Variants in QSER1 observed in about 807,000 individuals in gnomAD.
QSER1 encodes the protein glutamine and serine-rich protein 1.
In QSER1, 49 loss-of-function variants were observed where a neutral mutation model predicts 158.5. That is an observed-to-expected ratio of 0.31 (90% CI 0.25 to 0.39). The LOEUF (loss-of-function observed/expected upper bound fraction) is 0.39. QSER1 is among the 10% of genes least tolerant of loss of function. The pLI is 1.00. For synonymous variants in QSER1, 650 were observed against 715.5 expected (o/e 0.91, Z 1.46); for missense variants, 1,754 against 2,010.3 (o/e 0.87, Z 2.44).
Position 32,932,477 on chromosome 11 carries a change from A to G in QSER1, c.1219A>G (p.Thr407Ala), listed in dbSNP as rs369069540. Residue 407 changes from threonine to alanine, a missense_variant, in exon 4 of 13, where the codon ACA (threonine) becomes GCA (alanine). Coordinates refer to ENST00000650167, the MANE Select transcript of QSER1 (RefSeq NM_001076786.3). ...ATCATCAGGGTATCCTCCTTCTACT[A>G]CAAAAATAAAAAGCTGTTCTACAGA... is the stretch of plus-strand genomic sequence containing the variant. Reference protein sequence around the residue: ...IPSSGYPPSTTKIKSCSTEQP... With the variant: ...IPSSGYPPSTAKIKSCSTEQP... 14 of 1,613,722 alleles carry G rather than the reference A, an allele frequency of 8.7e-6. No individual in the cohort carries two copies. Among genetic ancestry groups the G allele is most frequent in the African/African-American group, 2.7e-5 (2 of 74,896 alleles).
chr11:32,900,445 G>C (rs1270097040), intron 1 of QSER1, among the ~76,000 whole-genome samples: 1 of 152,124 alleles, frequency 6.6e-6, no homozygotes, highest in Non-Finnish European at 1.5e-5. Context: ...TGTAGTCCCA[G>C]CTACTCGGGA....
At position 32,966,196 on chromosome 11, in the gene QSER1, A is replaced by G; in HGVS notation, c.4970-104A>G. ...TAAGGTGAGAAAGTCTTGAATTTGA[A>G]GAAATTGTATCTGCAATCTGCTTCT... On this transcript the variant is annotated intron_variant, in intron 8 of 12. Coordinates refer to ENST00000650167, the MANE Select transcript of QSER1 (RefSeq NM_001076786.3). 5 of 1,277,060 alleles carry G rather than the reference A, an allele frequency of 3.9e-6. 1 individual carries two copies. In the South Asian group the frequency reaches 5.8e-5, roughly 15 times the overall value. The allele number at this position is 1,277,060 out of a possible 1,614,324, so 79.1% of individuals were successfully genotyped here. A position where few individuals can be genotyped will look rare whatever the true frequency, so the allele number is the denominator to read the frequency against.
chr11:32,933,629 A>G lies in QSER1; in HGVS notation c.2371A>G (p.Asn791Asp), dbSNP rs765853303. Residue 791 changes from asparagine to aspartate, a missense_variant, in exon 4 of 13, where the codon AAT (asparagine) becomes GAT (aspartate). Asn to Asp is a conservative substitution (Grantham distance 23). Transcript: ENST00000650167. ...TACCCTTGATCTTAAGAACTCAACT[A>G]ATTTAATACAGACTCCACAAATAAG... ...AATLDLKNST[N>D]LIQTPQIRLN... 1 of 1,613,812 alleles carries G rather than the reference A, an allele frequency of 6.2e-7. No individual in the cohort carries two copies. Among genetic ancestry groups the G allele is most frequent in the South Asian group, 1.1e-5 (1 of 91,006 alleles).
At chr11:32,937,647 A>G (rs975719344) in intron 4 of QSER1, among the ~76,000 whole-genome samples, 1 of 152,204 alleles carries the variant, frequency 6.6e-6, no homozygotes, top group East Asian at 1.9e-4. Flanking sequence ...AACAGATTCA[A>G]CTTTATAAAA....
At chr11:32,923,317 C>T (rs1851921067) in intron 1 of QSER1, among the ~76,000 whole-genome samples, 1 of 152,144 alleles carries the variant, frequency 6.6e-6, no homozygotes, top group African/African-American at 2.4e-5. Flanking sequence ...CAGGGGGAAT[C>T]TTTGTGGTGA....
intron 1 of QSER1, among the ~76,000 whole-genome samples, chr11:32,905,517 A>T (rs1056015557): frequency 1.9e-4 from 28 of 151,306 alleles, no homozygotes; most frequent in African/African-American, 6.4e-4. Context: ...CTTCGGAAGG[A>T]TGGGAATTAA....
chr11:32,972,392 A>G (rs1304795843), intron 10 of QSER1, among the ~76,000 whole-genome samples: 1 of 151,368 alleles, frequency 6.6e-6, no homozygotes, highest in Non-Finnish European at 1.5e-5. Context: ...GTAAGGGCAT[A>G]AATAGGCCAG....
At chr11:32,921,953 A>G (rs956394394) in intron 1 of QSER1, among the ~76,000 whole-genome samples, 91 of 152,230 alleles carry the variant, frequency 6.0e-4, no homozygotes, top group Non-Finnish European at 9.4e-4. Context: ...ACCCATATAT[A>G]TGGTTTATTG....
At chr11:32,925,130 T>G (rs1851951300) in intron 1 of QSER1, among the ~76,000 whole-genome samples, 1 of 152,226 alleles carries the variant, frequency 6.6e-6, no homozygotes, top group Non-Finnish European at 1.5e-5. Context: ...AGTCAACCGT[T>G]GATGGGCACG....
chr11:32,899,964 A>T (rs1851604306), intron 1 of QSER1, among the ~76,000 whole-genome samples: 1 of 152,090 alleles, frequency 6.6e-6, no homozygotes, highest in African/African-American at 2.4e-5. Flanking sequence ...GGCCTCCTCT[A>T]GCCTTCCCCA....
intron 1 of QSER1, among the ~76,000 whole-genome samples, chr11:32,905,946 AT>A (rs947011548): frequency 1.3e-5 from 2 of 151,792 alleles, no homozygotes; most frequent in Admixed American, 6.6e-5. Context: ...ATATGTTATA[AT>A]TTTTTTTGGT....
chr11:32,895,744 G>A (rs1590702430), intron 1 of QSER1, among the ~76,000 whole-genome samples: 1 of 152,162 alleles, frequency 6.6e-6, no homozygotes, highest in South Asian at 2.1e-4. Flanking sequence ...AGTTGTTGCC[G>A]ACAGGGATCT....
chr11:32,915,068 C>G (rs1294585049), intron 1 of QSER1, among the ~76,000 whole-genome samples: 2 of 152,058 alleles, frequency 1.3e-5, no homozygotes, highest in Non-Finnish European at 2.9e-5. Flanking sequence ...CTACAGGTGC[C>G]ACTATGCCCA....
rs964874778 is a variant in QSER1 at position 32,932,009 on chromosome 11, G to C, written c.751G>C (p.Val251Leu). 1 of 1,614,118 alleles carries C rather than the reference G, an allele frequency of 6.2e-7. No individual in the cohort carries two copies. The highest frequency in any genetic ancestry group is 1.3e-5 in the African/African-American group (1 of 74,944). Residue 251 changes from valine to leucine, a missense_variant, in exon 4 of 13, where the codon GTA (valine) becomes CTA (leucine). Transcript: ENST00000650167. ...ALAFERLGSS[V>L]LSNSIPPQSS... ...GGCATTTGAGCGCCTGGGCAGTTCT[G>C]TATTAAGTAACAGCATACCACCTCA...
chr11:32,925,246 G>C (rs1463546628), intron 1 of QSER1, among the ~76,000 whole-genome samples: 1 of 152,144 alleles, frequency 6.6e-6, no homozygotes, highest in African/African-American at 2.4e-5. Flanking sequence ...TGTATACCCA[G>C]TAATGAAATT....
chr11:32,906,519 C>G (rs1167781645), intron 1 of QSER1, among the ~76,000 whole-genome samples: 1 of 152,104 alleles, frequency 6.6e-6, no homozygotes, highest in East Asian at 1.9e-4. Context: ...CCACCTCAGC[C>G]TCCCAGGTAG....
intron 4 of QSER1, among the ~76,000 whole-genome samples, chr11:32,946,048 A>G (rs1239100816): frequency 2.0e-5 from 3 of 151,826 alleles, no homozygotes; most frequent in Non-Finnish European, 4.4e-5. Flanking sequence ...AGGCTTCTGC[A>G]TTCTTCACGT....
chr11:32,914,265 A>G (rs1338573077), intron 1 of QSER1, among the ~76,000 whole-genome samples: 1 of 152,218 alleles, frequency 6.6e-6, no homozygotes, highest in Non-Finnish European at 1.5e-5. Context: ...CAAGTATTCT[A>G]CAAGATTATG....
intron 4 of QSER1, among the ~76,000 whole-genome samples, chr11:32,948,126 C>T (rs1852365616): frequency 6.6e-6 from 1 of 152,132 alleles, no homozygotes; most frequent in African/African-American, 2.4e-5. Context: ...AAAAACTCAC[C>T]CTTCCAAATA....
Sources: allele counts gnomAD v4.1 joint callset (sites outside exome capture counted in the v4.1 genomes callset), GRCh38; gene constraint gnomAD v4.1.1; transcripts MANE v1.5; gene names NCBI Gene and HGNC (gene_info 2026-07-23, HGNC 2026-07-21).